KCNC2: variants seen among roughly 807,000 people sequenced by gnomAD.
KCNC2 encodes the protein potassium voltage-gated channel subfamily C member 2, also known as voltage-gated potassium channel KCNC2.
A neutral mutation model predicts 44.5 loss-of-function variants in KCNC2; 21 were observed. The ratio of observed to expected loss-of-function variants is 0.47; its 90% CI spans 0.33 to 0.68. The LOEUF (loss-of-function observed/expected upper bound fraction) is 0.68, where lower values mean the gene tolerates loss of function less well. KCNC2 is among the 30% of genes least tolerant of loss of function. The probability of loss-of-function intolerance (pLI) is 0.01; values close to 1 mark genes in which losing one functional copy is unlikely to be tolerated. For missense variants in KCNC2, 589 were observed against 826.2 expected, an observed-to-expected ratio of 0.71 and a Z score of 3.52; for synonymous variants, 391 against 339.1, an observed-to-expected ratio of 1.15 and a Z score of -1.68.
At chr12:75,181,461 T>G (rs1892565571) in intron 2 of KCNC2, among the ~76,000 whole-genome samples, 1 of 152,206 alleles carries the variant, frequency 6.6e-6, no homozygotes, top group Non-Finnish European at 1.5e-5. Flanking sequence ...GCTTTGCCTT[T>G]GATTTCTTCC....
At chr12:75,151,721 G>A (rs1248413879) in intron 2 of KCNC2, among the ~76,000 whole-genome samples, 4 of 150,924 alleles carry the variant, frequency 2.7e-5, no homozygotes, top group Non-Finnish European at 4.4e-5. Flanking sequence ...GGCAACATTT[G>A]GTATTATCAA....
chr12:75,135,073 C>T (rs1421676210), intron 2 of KCNC2, among the ~76,000 whole-genome samples: 2 of 151,740 alleles, frequency 1.3e-5, no homozygotes, highest in African/African-American at 4.8e-5. Flanking sequence ...TGTTACATAG[C>T]CCAAGTCACT....
chr12:75,121,996 G>C (rs1019043038), intron 2 of KCNC2, among the ~76,000 whole-genome samples: 3 of 152,078 alleles, frequency 2.0e-5, no homozygotes, highest in African/African-American at 7.2e-5. Flanking sequence ...TCCTCACTTG[G>C]AGGCCACTGC....
chr12:75,135,855 CTA>C (rs1020655129), intron 2 of KCNC2, among the ~76,000 whole-genome samples: 5 of 151,940 alleles, frequency 3.3e-5, no homozygotes, highest in Non-Finnish European at 7.4e-5. Flanking sequence ...TAATGTCACT[CTA>C]TGTGTACCCA....
intron 2 of KCNC2, among the ~76,000 whole-genome samples, chr12:75,144,126 A>C (rs548480329): frequency 6.6e-6 from 1 of 152,332 alleles, no homozygotes; most frequent in East Asian, 1.9e-4. Flanking sequence ...TTATTGTACA[A>C]AGATAGATTC....
chr12:75,073,551 G>T (rs1219331478), intron 2 of KCNC2, among the ~76,000 whole-genome samples: 1 of 152,028 alleles, frequency 6.6e-6, no homozygotes, highest in East Asian at 1.9e-4. Context: ...ACAGTATTTT[G>T]GATATTTTGT....
chr12:75,205,360 C>T (rs2031600736), intron 2 of KCNC2, among the ~76,000 whole-genome samples: 1 of 134,342 alleles, frequency 7.4e-6, no homozygotes, highest in Non-Finnish European at 1.6e-5. Flanking sequence ...TCTACTTGCT[C>T]TTTGACCTTG....
At chr12:75,121,166 A>C (rs184426014) in intron 2 of KCNC2, among the ~76,000 whole-genome samples, 106 of 152,302 alleles carry the variant, frequency 7.0e-4, no homozygotes, top group African/African-American at 2.5e-3. Context: ...GATCAGTGCT[A>C]TTGAATTCCT....
chr12:75,162,646 C>T (rs1891193775), intron 2 of KCNC2, among the ~76,000 whole-genome samples: 1 of 151,698 alleles, frequency 6.6e-6, no homozygotes, highest in African/African-American at 2.4e-5. Context: ...CCTGCTAAAG[C>T]TACATAAAAA....
At chr12:75,122,798 GAA>G (rs1158289470) in intron 2 of KCNC2, among the ~76,000 whole-genome samples, 1 of 151,948 alleles carries the variant, frequency 6.6e-6, no homozygotes, top group Non-Finnish European at 1.5e-5. Context: ...TCGGAAAGCG[GAA>G]AAGATATCAG....
chr12:75,122,351 T>C (rs1015890012), intron 2 of KCNC2, among the ~76,000 whole-genome samples: 10 of 152,162 alleles, frequency 6.6e-5, no homozygotes, highest in Non-Finnish European at 1.0e-4. Context: ...CCCAGCACTA[T>C]TTATAAGGTA....
At chr12:75,192,742 C>T (rs1338004695) in intron 2 of KCNC2, among the ~76,000 whole-genome samples, 1 of 152,030 alleles carries the variant, frequency 6.6e-6, no homozygotes, top group African/African-American at 2.4e-5. Flanking sequence ...GAAACATTGC[C>T]TTTGTGGGGA....
chr12:75,205,167 G>A lies in KCNC2; in HGVS notation c.687+2130C>T, dbSNP rs115708037. Among the ~76,000 whole-genome samples, 115 of 152,230 alleles carry A rather than the reference G, an allele frequency of 7.6e-4. 1 individual carries two copies. Among genetic ancestry groups the A allele is most frequent in the African/African-American group, 2.5e-3 (105 of 41,544 alleles). On this transcript the variant is annotated intron_variant, in intron 2 of 4. Coordinates refer to ENST00000549446, the MANE Select transcript of KCNC2 (RefSeq NM_139137.4). ...TATAATCAGTAGTTTTGCTAGAAAGGGCCTGAGGAGAGTGTCATGAGACCT... is the reference window on the plus strand; with the variant it reads ...TATAATCAGTAGTTTTGCTAGAAAGAGCCTGAGGAGAGTGTCATGAGACCT...
chr12:75,045,122 C>T (rs1880337639), intron 4 of KCNC2, among the ~76,000 whole-genome samples: 1 of 151,934 alleles, frequency 6.6e-6, no homozygotes, highest in Non-Finnish European at 1.5e-5. Flanking sequence ...AGACGATAAA[C>T]ATTGATTGGC....
chr12:75,147,083 G>C (rs1890076493), intron 2 of KCNC2, among the ~76,000 whole-genome samples: 1 of 152,104 alleles, frequency 6.6e-6, no homozygotes, highest in Admixed American at 6.5e-5. Context: ...TGCTAGCTAT[G>C]TGATCAATAC....
At position 75,206,892 on chromosome 12, in the gene KCNC2, T is replaced by A. The variant is rs558923146; in HGVS notation, c.687+405A>T. 2.0e-3 allele frequency among the ~76,000 whole-genome samples: 310 copies of A among 152,116 alleles called. 1 individual carries two copies. Among genetic ancestry groups the A allele is most frequent in the Non-Finnish European group, 3.2e-3 (221 of 68,006 alleles). On this transcript the variant is annotated intron_variant, in intron 2 of 4. Coordinates refer to ENST00000549446, the MANE Select transcript of KCNC2 (RefSeq NM_139137.4). ...GATGTGAAGGGGGCCTCACTGAAAA[T>A]GTCAAATAGGGATGACCAGGAGGCC...
intron 2 of KCNC2, among the ~76,000 whole-genome samples, chr12:75,153,607 C>T (rs1890557749): frequency 6.6e-6 from 1 of 151,252 alleles, no homozygotes; most frequent in Non-Finnish European, 1.5e-5. Context: ...TTTGTATCCC[C>T]TAAATCTATA....
intron 2 of KCNC2, among the ~76,000 whole-genome samples, chr12:75,194,050 A>G (rs1030997557): frequency 4.6e-5 from 7 of 152,210 alleles, no homozygotes; most frequent in Admixed American, 1.3e-4. Flanking sequence ...GAAAAAAAAG[A>G]GTAACCAGAA....
intron 2 of KCNC2, among the ~76,000 whole-genome samples, chr12:75,138,556 G>T (rs1384109581): frequency 1.3e-5 from 2 of 152,136 alleles, no homozygotes; most frequent in East Asian, 3.9e-4. Flanking sequence ...CTTCCAAGGT[G>T]ATCCTTGTGT....
Sources: gnomAD v4.1 joint callset for allele counts (sites outside exome capture counted in the v4.1 genomes callset) on GRCh38, gnomAD v4.1.1 for gene constraint, MANE v1.5 for transcripts, NCBI Gene and HGNC (gene_info 2026-07-23, HGNC 2026-07-21) for gene names.